Variants in STK32B observed in about 807,000 individuals in gnomAD.
STK32B encodes the protein serine/threonine kinase 32B, also known as serine/threonine-protein kinase 32B.
A neutral mutation model predicts 52.6 loss-of-function variants in STK32B; 43 were observed. That is an observed-to-expected ratio of 0.82 (90% confidence interval 0.64 to 1.05). The LOEUF is 1.05. STK32B is among the 50% of genes least tolerant of loss of function. The probability of loss-of-function intolerance (pLI) is 0.00; values close to 1 mark genes in which losing one functional copy is unlikely to be tolerated. For synonymous variants in STK32B, 238 were observed against 204.3 expected (o/e 1.17, Z -1.41); for missense variants, 621 against 534.6 (o/e 1.16, Z -1.59).
chr4:5,276,457 G>A (rs1727831595), intron 3 of STK32B, among the ~76,000 whole-genome samples: 1 of 151,956 alleles, frequency 6.6e-6, no homozygotes. Flanking sequence ...ACACTTCTTG[G>A]GGCTATGACT....
At chr4:5,195,335 C>T (rs1361752585) in intron 3 of STK32B, among the ~76,000 whole-genome samples, 1 of 152,110 alleles carries the variant, frequency 6.6e-6, no homozygotes, top group African/African-American at 2.4e-5. Flanking sequence ...CCTGCTGCCT[C>T]CTCCCCTTCC....
At chr4:5,200,920 A>C (rs377071887) in intron 3 of STK32B, among the ~76,000 whole-genome samples, 1 of 152,218 alleles carries the variant, frequency 6.6e-6, no homozygotes, top group African/African-American at 2.4e-5. Context: ...GCCAGGGTTG[A>C]AACCTTGAAG....
At chr4:5,199,300 G>C (rs886570239) in intron 3 of STK32B, among the ~76,000 whole-genome samples, 7 of 152,168 alleles carry the variant, frequency 4.6e-5, no homozygotes, top group Non-Finnish European at 1.0e-4. Context: ...GACTAATAAG[G>C]TGTAGCCAGG....
intron 4 of STK32B, among the ~76,000 whole-genome samples, chr4:5,387,403 T>C (rs1736329819): frequency 6.6e-6 from 1 of 152,116 alleles, no homozygotes; most frequent in African/African-American, 2.4e-5. Flanking sequence ...CAAGCACATA[T>C]ACCCTGTGCT....
At chr4:5,213,485 T>C (rs1039269480) in intron 3 of STK32B, among the ~76,000 whole-genome samples, 2 of 152,206 alleles carry the variant, frequency 1.3e-5, no homozygotes, top group African/African-American at 4.8e-5. Flanking sequence ...TTCTCCAGCT[T>C]AGACACAGTT....
intron 2 of STK32B, among the ~76,000 whole-genome samples, chr4:5,167,027 T>C (rs1288519242): frequency 2.6e-5 from 4 of 152,302 alleles, no homozygotes; most frequent in African/African-American, 9.6e-5. Context: ...CTGCTCACTT[T>C]TCCTGCTGTG....
chr4:5,208,777 A>G (rs1165114601), intron 3 of STK32B, among the ~76,000 whole-genome samples: 2 of 152,208 alleles, frequency 1.3e-5, no homozygotes, highest in African/African-American at 4.8e-5. Flanking sequence ...AAGGGAAAAG[A>G]TGAGAGATTA....
chr4:5,303,042 A>G (rs1729671479), intron 3 of STK32B, among the ~76,000 whole-genome samples: 1 of 151,692 alleles, frequency 6.6e-6, no homozygotes, highest in Non-Finnish European at 1.5e-5. Flanking sequence ...GTGTATATAT[A>G]TGTATGTATG....
chr4:5,070,722 C>G (rs1711715268), intron 1 of STK32B, among the ~76,000 whole-genome samples: 1 of 152,184 alleles, frequency 6.6e-6, no homozygotes, highest in African/African-American at 2.4e-5. Context: ...GTTCCATTCT[C>G]TCAGAGCAGC....
intron 3 of STK32B, among the ~76,000 whole-genome samples, chr4:5,288,262 G>A (rs976154209): frequency 1.3e-5 from 2 of 152,156 alleles, no homozygotes; most frequent in Non-Finnish European, 2.9e-5. Flanking sequence ...ATCTAGGAGT[G>A]GAAGTGAAGG....
chr4:5,087,451 G>A (rs1712794705), intron 1 of STK32B, among the ~76,000 whole-genome samples: 1 of 151,882 alleles, frequency 6.6e-6, no homozygotes, highest in Admixed American at 6.6e-5. Context: ...TTCCTTAACA[G>A]TAGTTATATT....
chr4:5,089,945 T>G (rs938874971), intron 1 of STK32B, among the ~76,000 whole-genome samples: 5 of 152,242 alleles, frequency 3.3e-5, no homozygotes, highest in African/African-American at 1.2e-4. Context: ...TGGTTTCGAT[T>G]TGCATTTCTG....
At chr4:5,203,753 T>C (rs1394446693) in intron 3 of STK32B, among the ~76,000 whole-genome samples, 1 of 152,188 alleles carries the variant, frequency 6.6e-6, no homozygotes, top group Non-Finnish European at 1.5e-5. Flanking sequence ...CCTCAGATCA[T>C]TCCTTTGCTT....
intron 11 of STK32B, among the ~76,000 whole-genome samples, chr4:5,498,704 G>C (rs967973347): frequency 6.6e-6 from 1 of 152,234 alleles, no homozygotes; most frequent in East Asian, 1.9e-4. Flanking sequence ...TCTCCATTCT[G>C]TAGACAGAGA....
chr4:5,424,430 C>A (rs1042046259), intron 6 of STK32B, among the ~76,000 whole-genome samples: 3 of 152,178 alleles, frequency 2.0e-5, no homozygotes, highest in Admixed American at 6.5e-5. Context: ...TTTTTCCAGG[C>A]CCACCCATGG....
At position 5,168,302 on chromosome 4, in the gene STK32B, T is replaced by C. The variant is rs757496156; in HGVS notation, c.112T>C (p.Cys38Arg). The part of the protein sequence containing the change: ...AIGKGSFGKV[C>R]IVQKRDTKKM... Reference sequence around the variant, plus strand: ...CTCTCCTTTGGCTGTCGCTCAGGTATGCATCGTGCAGAAGCGAGACACTAA... The same window carrying C: ...CTCTCCTTTGGCTGTCGCTCAGGTACGCATCGTGCAGAAGCGAGACACTAA... Residue 38 changes from cysteine (C) to arginine (R), a missense_variant, in exon 3 of 12, where the codon TGC becomes CGC. Cys to Arg is a radical substitution (Grantham distance 180). Coordinates refer to ENST00000282908, the MANE Select transcript of STK32B (RefSeq NM_018401.3). 6.2e-7 allele frequency: 1 copy of C among 1,613,594 alleles called. No homozygotes were observed. The highest frequency in any genetic ancestry group is 8.5e-7 in the Non-Finnish European group (1 of 1,179,746).
At chr4:5,456,762 C>T in intron 7 of STK32B, 45 bp from the exon 8 acceptor site, 1 of 1,495,032 alleles carries the variant, frequency 6.7e-7, no homozygotes, top group South Asian at 1.3e-5. Context: ...ACGGTGCCTT[C>T]CAATGGCTCT....
intron 3 of STK32B, among the ~76,000 whole-genome samples, chr4:5,330,528 G>A (rs1732163683): frequency 6.6e-6 from 1 of 152,158 alleles, no homozygotes; most frequent in Non-Finnish European, 1.5e-5. Flanking sequence ...GGGCTCAGCT[G>A]GGCTGTTCTT....
At chr4:5,430,078 C>A (rs768411483) in intron 6 of STK32B, among the ~76,000 whole-genome samples, 1 of 151,936 alleles carries the variant, frequency 6.6e-6, no homozygotes, top group Non-Finnish European at 1.5e-5. Context: ...TTGATATTTA[C>A]TCTGGTTGGT....
Sources: gnomAD v4.1 joint callset for allele counts (sites outside exome capture counted in the v4.1 genomes callset) on GRCh38, gnomAD v4.1.1 for gene constraint, MANE v1.5 for transcripts, NCBI Gene and HGNC (gene_info 2026-07-23, HGNC 2026-07-21) for gene names.